USP32: variants seen among roughly 807,000 people sequenced by gnomAD.
The protein encoded by USP32 is ubiquitin specific peptidase 32.
In USP32, 59 loss-of-function variants were observed where a neutral mutation model predicts 204.8. That is an observed-to-expected ratio of 0.29 (90% CI 0.23 to 0.36). The LOEUF (loss-of-function observed/expected upper bound fraction) is 0.36, where lower values mean the gene tolerates loss of function less well. USP32 is among the 10% of genes least tolerant of loss of function. USP32 has a pLI of 1.00. For missense variants in USP32, 1,160 were observed against 1,946.4 expected, an observed-to-expected ratio of 0.60 and a Z score of 7.60; for synonymous variants, 517 against 678.4, an observed-to-expected ratio of 0.76 and a Z score of 3.70.
intron 5 of USP32, among the ~76,000 whole-genome samples, chr17:60,279,561 G>T (rs1025247159): frequency 6.6e-6 from 1 of 151,800 alleles, no homozygotes; most frequent in Non-Finnish European, 1.5e-5. Flanking sequence ...AAATAGCCAG[G>T]CATGCTGGCT....
intron 7 of USP32, 131 bp from the exon 8 acceptor site, chr17:60,266,222 T>A: frequency 1.6e-6 from 1 of 635,588 alleles, no homozygotes; most frequent in Non-Finnish European, 2.7e-6. Context: ...ACAGTTCTCA[T>A]CTGTAATAAA....
chr17:60,254,710 T>C (rs751127156), intron 10 of USP32, among the ~76,000 whole-genome samples: 11 of 152,020 alleles, frequency 7.2e-5, no homozygotes, highest in Non-Finnish European at 1.6e-4. Flanking sequence ...AAATTAAAAA[T>C]AATAATGATA....
intron 2 of USP32, among the ~76,000 whole-genome samples, chr17:60,332,587 G>A (rs895193058): frequency 6.6e-6 from 1 of 151,946 alleles, no homozygotes; most frequent in East Asian, 1.9e-4. Context: ...GGCGGAGACT[G>A]CAGTGAGCCA....
chr17:60,199,036 A>G (rs1032072364), intron 26 of USP32, among the ~76,000 whole-genome samples: 2 of 151,490 alleles, frequency 1.3e-5, no homozygotes, highest in African/African-American at 4.8e-5. Context: ...GGATTGCCTG[A>G]GTCTGGCAAG....
chr17:60,308,928 A>C (rs1311530569), intron 2 of USP32, among the ~76,000 whole-genome samples: 7 of 152,166 alleles, frequency 4.6e-5, no homozygotes, highest in Non-Finnish European at 8.8e-5. Context: ...ACTCTGTCTC[A>C]AAATAAAAAA....
chr17:60,200,072 T>C lies in USP32; in HGVS notation c.3250-1628A>G, dbSNP rs142403251. On this transcript the variant is annotated intron_variant, in intron 26 of 33. Transcript: ENST00000300896. ...ATCTGGGCATGGTGGCAGGCACCTG[T>C]AGTCCCAGCTACTCGGGAGGCTGAG... 3.4e-3 allele frequency among the ~76,000 whole-genome samples: 518 copies of C among 152,126 alleles called. 3 individuals are homozygous for C. Among genetic ancestry groups the C allele is most frequent in the Non-Finnish European group, 5.2e-3 (352 of 67,996 alleles).
chr17:60,363,140 T>C (rs1425124198), intron 1 of USP32, among the ~76,000 whole-genome samples: 1 of 151,644 alleles, frequency 6.6e-6, no homozygotes, highest in African/African-American at 2.4e-5. Flanking sequence ...TTAAAAAATA[T>C]TAAATTTTTT....
At chr17:60,191,961 T>C (rs553761806) in intron 28 of USP32, among the ~76,000 whole-genome samples, 1 of 152,028 alleles carries the variant, frequency 6.6e-6, no homozygotes, top group East Asian at 1.9e-4. Context: ...CAAGGTCTAG[T>C]AAAGACTATG....
chr17:60,388,952 C>A (rs2089781136), intron 1 of USP32, among the ~76,000 whole-genome samples: 1 of 152,178 alleles, frequency 6.6e-6, no homozygotes, highest in Non-Finnish European at 1.5e-5. Flanking sequence ...AAACTGCCTG[C>A]AATTCCATGT....
At chr17:60,266,637 C>A (rs930760593) in intron 7 of USP32, among the ~76,000 whole-genome samples, 2 of 148,104 alleles carry the variant, frequency 1.4e-5, no homozygotes, top group African/African-American at 5.1e-5. Flanking sequence ...TACAGGAGCA[C>A]ACCACAACAC....
intron 15 of USP32, among the ~76,000 whole-genome samples, chr17:60,220,154 C>T (rs1377965457): frequency 6.6e-6 from 1 of 151,724 alleles, no homozygotes; most frequent in East Asian, 1.9e-4. Context: ...ATTTTAAGGA[C>T]AAATTCATAA....
At chr17:60,347,332 G>A (rs1490751031) in intron 1 of USP32, among the ~76,000 whole-genome samples, 2 of 148,812 alleles carry the variant, frequency 1.3e-5, no homozygotes, top group African/African-American at 2.5e-5. Context: ...ATACAGGTGC[G>A]CACCACCACA....
Position 60,178,308 on chromosome 17 carries a change from A to C in USP32, c.*947T>G, listed in dbSNP as rs2084016798. 1.3e-5 allele frequency among the ~76,000 whole-genome samples: 2 copies of C among 152,270 alleles called. No individual in the cohort carries two copies. The highest frequency in any genetic ancestry group is 2.4e-5 in the African/African-American group (1 of 41,478). ...GTGCAAGACAAACACAGAAAAGAAC[A>C]ACCACTAATTGTGAAACGTGATCTA... On this transcript the variant is annotated 3_prime_UTR_variant, in exon 34 of 34. Transcript: ENST00000300896.
intron 12 of USP32, among the ~76,000 whole-genome samples, chr17:60,234,793 T>G (rs1381833089): frequency 6.6e-6 from 1 of 151,924 alleles, no homozygotes; most frequent in Non-Finnish European, 1.5e-5. Flanking sequence ...CCCAGGCTGG[T>G]CTTGAATTCC....
chr17:60,395,035 C>T (rs751033236), upstream of USP32, among the ~76,000 whole-genome samples: 49 of 152,182 alleles, frequency 3.2e-4, no homozygotes, highest in African/African-American at 1.0e-3. Flanking sequence ...CGAGCCACCA[C>T]GCCTGGGCTA....
chr17:60,223,327 T>C (rs2085302925), intron 14 of USP32, 84 bp downstream of exon 14: 2 of 1,141,060 alleles, frequency 1.8e-6, no homozygotes, highest in Non-Finnish European at 2.6e-6. Context: ...CATCAATGTT[T>C]TGCTATGTGC....
At chr17:60,311,794 C>T (rs748406892) in intron 2 of USP32, among the ~76,000 whole-genome samples, 6 of 152,116 alleles carry the variant, frequency 3.9e-5, no homozygotes, top group Admixed American at 1.3e-4. Flanking sequence ...CATTGCACTC[C>T]AGCCTGGGCA....
rs2084036870 is a variant in USP32 at position 60,179,157 on chromosome 17, T to C, written c.*98A>G. The C allele has an allele frequency of 1.5e-6, 2 of 1,353,344 alleles. No individual in the cohort carries two copies. The highest frequency in any genetic ancestry group is 4.8e-5 in the East Asian group (2 of 41,918). 83.8% of individuals were successfully genotyped at this position (1,353,344 alleles called of 1,614,324 possible). On this transcript the variant is annotated 3_prime_UTR_variant, in exon 34 of 34. Transcript: ENST00000300896. The stretch of plus-strand genomic sequence containing the variant: ...CTTCAGGGCCACAGGATAAAATAAC[T>C]ACATTTAGCTTGCCTTTCAGTGACG...
At chr17:60,235,990 T>C (rs1255486480) in intron 12 of USP32, 148 bp downstream of exon 12, 1 of 652,700 alleles carries the variant, frequency 1.5e-6, no homozygotes, top group Non-Finnish European at 2.7e-6. Flanking sequence ...AAGTATCATA[T>C]AAACACTCAT....
Sources: gnomAD v4.1 joint callset for allele counts (sites outside exome capture counted in the v4.1 genomes callset) on GRCh38, gnomAD v4.1.1 for gene constraint, MANE v1.5 for transcripts, NCBI Gene and HGNC (gene_info 2026-07-23, HGNC 2026-07-21) for gene names.